The following CECR2 variants were observed in gnomAD, a reference collection of about 807,000 sequenced individuals.
The protein encoded by CECR2 is chromatin remodeling regulator CECR2.
Under a neutral mutation model 154.5 loss-of-function variants are expected in CECR2, and 30 were observed. That is an observed-to-expected ratio of 0.19 (90% CI 0.15 to 0.26). CECR2 has a LOEUF of 0.26. Among genes scored for constraint, CECR2 ranks in the 10% least tolerant of loss-of-function variants. The pLI, the probability that CECR2 is intolerant of heterozygous loss-of-function variation, is 1.00. For synonymous variants in CECR2, 725 were observed against 683.7 expected (o/e 1.06, Z -0.94); for missense variants, 1,743 against 1,829.3 (o/e 0.95, Z 0.86).
In CECR2 at chr22:17,496,268, C is replaced by T. The variant is rs377311145; in HGVS notation, c.222-1135C>T. ...ATCCCAGCACTTTGTGAGGACGAGGCGGGTGGATCACGAGGTCAGGAGATC... is the reference window on the plus strand; with the variant it reads ...ATCCCAGCACTTTGTGAGGACGAGGTGGGTGGATCACGAGGTCAGGAGATC... On this transcript the variant is annotated intron_variant, in intron 2 of 18. Transcript: ENST00000262608. Among the ~76,000 whole-genome samples the T allele has an allele frequency of 9.2e-5, 14 of 152,046 alleles. No individual in the cohort carries two copies. The East Asian group carries it at 1.4e-3, about 15-fold the overall frequency.
At chr22:17,544,429 G>A (rs2056578187) in intron 16 of CECR2, among the ~76,000 whole-genome samples, 1 of 148,860 alleles carries the variant, frequency 6.7e-6, no homozygotes, top group Non-Finnish European at 1.5e-5. Flanking sequence ...ACCTGGGAGG[G>A]AGAGGTTGCA....
At chr22:17,445,938 G>A (rs5747153) in intron 1 of CECR2, among the ~76,000 whole-genome samples, 45,462 of 151,948 alleles carry the variant, frequency 0.3, 9,743 homozygotes, top group African/African-American at 0.58. Flanking sequence ...AATGCTATAT[G>A]CATAGCTGTT....
intron 18 of CECR2, 33 bp downstream of exon 18, chr22:17,552,175 TTCC>T (rs749405880): frequency 6.4e-7 from 1 of 1,573,366 alleles, no homozygotes; most frequent in East Asian, 2.2e-5. Context: ...GCTGTTCTTC[TTCC>T]TCCAGGTGGT....
intron 1 of CECR2, among the ~76,000 whole-genome samples, chr22:17,462,017 T>C (rs1277793062): frequency 6.6e-6 from 1 of 151,780 alleles, no homozygotes; most frequent in African/African-American, 2.4e-5. Context: ...GATCTCGAAC[T>C]CCTGACCTCG....
intron 1 of CECR2, among the ~76,000 whole-genome samples, chr22:17,400,014 A>G (rs1450393093): frequency 6.6e-6 from 1 of 152,082 alleles, no homozygotes; most frequent in Non-Finnish European, 1.5e-5. Flanking sequence ...TTTATATATC[A>G]TAGTTGGATG....
chr22:17,454,805 AG>A (rs1365372004), intron 1 of CECR2, among the ~76,000 whole-genome samples: 1 of 152,210 alleles, frequency 6.6e-6, no homozygotes, highest in Non-Finnish European at 1.5e-5. Flanking sequence ...GACCATTTCC[AG>A]CTGTTTGAAA....
intron 1 of CECR2, among the ~76,000 whole-genome samples, chr22:17,461,391 C>T (rs1407928172): frequency 6.6e-6 from 1 of 152,108 alleles, no homozygotes; most frequent in African/African-American, 2.4e-5. Context: ...CATTCTCTTT[C>T]AAGTATTCAA....
At position 17,540,735 on chromosome 22, in the gene CECR2, C is replaced by A; in HGVS notation, c.1819C>A (p.Arg607=). 6.2e-7 allele frequency: 1 copy of A among 1,610,978 alleles called. No homozygotes were observed. Among genetic ancestry groups the A allele is most frequent in the Non-Finnish European group, 8.5e-7 (1 of 1,178,626 alleles). The change falls in exon 14 of 19, where the codon CGA becomes AGA. Residue 607 remains arginine, a synonymous_variant. Transcript: ENST00000262608. ...PPREVGTSNG[R]GFSHPLHCGG... ...GCGGGAGGTGGGCACTTCCAATGGCCGAGGTTTTTCTCATCCCCTGCATTG... is the reference window on the plus strand; with the variant it reads ...GCGGGAGGTGGGCACTTCCAATGGCAGAGGTTTTTCTCATCCCCTGCATTG...
In CECR2 at chr22:17,380,276, T is replaced by C. The variant is rs183996561; in HGVS notation, c.126+10367T>C. 1.9e-3 allele frequency among the ~76,000 whole-genome samples: 286 copies of C among 152,360 alleles called. 1 individual carries two copies. Among genetic ancestry groups the C allele is most frequent in the Non-Finnish European group, 3.5e-3 (236 of 68,028 alleles). The stretch of plus-strand genomic sequence containing the variant: ...ATGACCCCTCTGAATAATTCTCTCA[T>C]GTGTTCTTTTTTGTACTTCGTTAGC... On this transcript the variant is annotated intron_variant, in intron 1 of 18. Transcript: ENST00000262608.
chr22:17,497,374 G>GT (rs774719391), intron 2 of CECR2, 29 bp from the exon 3 acceptor site: 15 of 1,580,654 alleles, frequency 9.5e-6, no homozygotes, highest in Non-Finnish European at 1.3e-5. Context: ...TTATATTAAT[G>GT]TATTTTTGTG....
At position 17,409,316 on chromosome 22, in the gene CECR2, A is replaced by G. The variant is rs1428996148; in HGVS notation, c.126+39407A>G. ...CCCAGCTAATTTTTGTATTTTTAAT[A>G]GAGACGGGGTTTCACCATGTTGGCC... On this transcript the variant is annotated intron_variant, in intron 1 of 18. Coordinates refer to ENST00000262608, the MANE Select transcript of CECR2 (RefSeq NM_001290047.2). 2.7e-5 allele frequency among the ~76,000 whole-genome samples: 3 copies of G among 111,146 alleles called. No individual in the cohort carries two copies. The East Asian group carries it at 6.1e-4, about 22-fold the overall frequency. The allele number at this position is 111,146 out of a possible 152,430, so 72.9% of individuals were successfully genotyped here. A position where few individuals can be genotyped will look rare whatever the true frequency, so the allele number is the denominator to read the frequency against.
intron 17 of CECR2, 150 bp from the exon 18 acceptor site, chr22:17,551,881 G>A (rs994307806): frequency 8.8e-6 from 6 of 685,004 alleles, no homozygotes; most frequent in South Asian, 3.6e-5. Flanking sequence ...GCCCCAGGGG[G>A]CACAGAATGT....
chr22:17,451,594 C>CCGTTCCT (rs1460024592), intron 1 of CECR2, among the ~76,000 whole-genome samples: 1 of 152,166 alleles, frequency 6.6e-6, no homozygotes, highest in Non-Finnish European at 1.5e-5. Context: ...CAGGATTCTT[C>CCGTTCCT]CGTTCCTCCG....
chr22:17,528,279 T>C (rs1010601856), intron 9 of CECR2, among the ~76,000 whole-genome samples: 1 of 152,204 alleles, frequency 6.6e-6, no homozygotes, highest in Non-Finnish European at 1.5e-5. Flanking sequence ...CTGGAGGTTA[T>C]TATTTTAAAT....
At chr22:17,452,279 T>A (rs1275936025) in intron 1 of CECR2, among the ~76,000 whole-genome samples, 1 of 152,124 alleles carries the variant, frequency 6.6e-6, no homozygotes, top group East Asian at 1.9e-4. Flanking sequence ...CACCATGTTC[T>A]TCAGGGCTGG....
chr22:17,549,578 C>T lies in CECR2; in HGVS notation c.4277+14C>T. On this transcript the variant is annotated intron_variant, in intron 17 of 18. Coordinates refer to ENST00000262608, the MANE Select transcript of CECR2 (RefSeq NM_001290047.2). Reference sequence around the variant, plus strand: ...CAGACCATCAGGGTAAGATTGCATTCAGGCTTTTCCCCCTAAAGAGAGAAC... The same window carrying T: ...CAGACCATCAGGGTAAGATTGCATTTAGGCTTTTCCCCCTAAAGAGAGAAC... 1 of 1,536,568 alleles carries T rather than the reference C, an allele frequency of 6.5e-7. No individual in the cohort carries two copies.
chr22:17,408,751 G>T (rs980340578), intron 1 of CECR2, among the ~76,000 whole-genome samples: 1 of 152,154 alleles, frequency 6.6e-6, no homozygotes, highest in African/African-American at 2.4e-5. Flanking sequence ...ACCTGATTTA[G>T]CACCTACCTT....
chr22:17,363,180 G>A (rs539704927), intron 1 of CECR2, among the ~76,000 whole-genome samples: 2 of 151,290 alleles, frequency 1.3e-5, no homozygotes, highest in African/African-American at 2.4e-5. Context: ...TTACCGAGTA[G>A]CTGGGACTAC....
rs779541288 is a variant in CECR2, at chr22:17,549,337, C to T, written c.4050C>T (p.Thr1350=). The change falls in exon 17 of 19, where the codon ACC becomes ACT. Residue 1350 remains threonine (T), a synonymous_variant. Coordinates refer to ENST00000262608, the MANE Select transcript of CECR2 (RefSeq NM_001290047.2). ...TGCTGCAGACGGGGCCTCCCTATACCCCTCAGCGGCCGGCCAGTCACTTTC... is the reference window on the plus strand; with the variant it reads ...TGCTGCAGACGGGGCCTCCCTATACTCCTCAGCGGCCGGCCAGTCACTTTC... ...SVMLQTGPPY[T]PQRPASHFQP... 4.3e-6 allele frequency: 7 copies of T among 1,613,942 alleles called. No individual in the cohort carries two copies. The highest frequency in any genetic ancestry group is 5.9e-6 in the Non-Finnish European group (7 of 1,179,876).
Sources: allele counts gnomAD v4.1 joint callset (sites outside exome capture counted in the v4.1 genomes callset), GRCh38; gene constraint gnomAD v4.1.1; transcripts MANE v1.5; gene names NCBI Gene and HGNC (gene_info 2026-07-23, HGNC 2026-07-21).